Variants in MLH3 observed in about 807,000 individuals in gnomAD.
MLH3 encodes mutL homolog 3, also known as DNA mismatch repair protein Mlh3.
MLH3 carries 82 observed loss-of-function variants against 122.2 expected under a neutral mutation model. That is an observed-to-expected ratio of 0.67 (90% CI 0.56 to 0.81). MLH3 has a LOEUF of 0.81. Among genes scored for constraint, MLH3 ranks in the 30% least tolerant of loss-of-function variants. The probability of loss-of-function intolerance (pLI) is 0.00; values close to 1 mark genes in which losing one functional copy is unlikely to be tolerated. For missense variants in MLH3, 1,539 were observed against 1,714.5 expected (o/e 0.90, Z 1.81); for synonymous variants, 524 against 599.5 (o/e 0.87, Z 1.84).
intron 5 of MLH3, among the ~76,000 whole-genome samples, chr14:75,039,388 A>G (rs1268571461): frequency 1.3e-5 from 2 of 152,180 alleles, no homozygotes; most frequent in Non-Finnish European, 2.9e-5. Flanking sequence ...CAAAGGGAAT[A>G]AGACAGCCAT....
At position 75,030,695 on chromosome 14, in the gene MLH3, G is replaced by A. The variant is rs2139387859; in HGVS notation, c.3835C>T (p.His1279Tyr). 6.2e-7 allele frequency: 1 copy of A among 1,613,296 alleles called. No homozygotes were observed. The highest frequency in any genetic ancestry group is 8.5e-7 in the Non-Finnish European group (1 of 1,179,570). Residue 1279 changes from histidine (H) to tyrosine (Y), a missense_variant, in exon 9 of 13, where the codon CAC becomes TAC. Physicochemically the swap from His to Tyr is moderately conservative, Grantham distance 83. Transcript: ENST00000355774. ...AGGCCCAGATCTTCCAGATTTTTGTGGTAACACCTAAAGAGATAACCTCAA... is the reference window on the plus strand; with the variant it reads ...AGGCCCAGATCTTCCAGATTTTTGTAGTAACACCTAAAGAGATAACCTCAA... ...EEQRRLLWCY[H>Y]KNLEDLGLEF...
At chr14:75,020,262 T>G (rs1411654698) in intron 11 of MLH3, among the ~76,000 whole-genome samples, 2 of 152,208 alleles carry the variant, frequency 1.3e-5, no homozygotes, top group Non-Finnish European at 2.9e-5. Context: ...AAGACCCTTG[T>G]GGGCCACAGT....
intron 2 of MLH3, among the ~76,000 whole-genome samples, chr14:75,044,003 C>T (rs906125312): frequency 6.6e-6 from 1 of 152,016 alleles, no homozygotes; most frequent in Admixed American, 6.6e-5. Context: ...GCAGGAGAAT[C>T]GCTTGAACTC....
chr14:75,033,583 TAAC>T, intron 6 of MLH3, 93 bp from the exon 7 acceptor site: 7 of 897,970 alleles, frequency 7.8e-6, no homozygotes, highest in South Asian at 6.8e-5. Flanking sequence ...TCAAACTATC[TAAC>T]AACAGCATAA....
At chr14:75,028,597 T>C (rs1334133230) in intron 9 of MLH3, among the ~76,000 whole-genome samples, 1 of 151,638 alleles carries the variant, frequency 6.6e-6, no homozygotes, top group Non-Finnish European at 1.5e-5. Flanking sequence ...TTTTAATTTT[T>C]AGTAGAGACG....
Position 75,042,485 on chromosome 14 carries a change from T to A in MLH3, c.3281-8A>T, listed in dbSNP as rs376532114. On this transcript the variant is annotated splice_region_variant and splice_polypyrimidine_tract_variant and intron_variant, in intron 2 of 12. Transcript: ENST00000355774. Reference sequence around the variant, plus strand: ...GACACCTGTACTGAGACCCTAAATATAAGAAAGAAAAACCTAGAAATGTGA... The same window carrying A: ...GACACCTGTACTGAGACCCTAAATAAAAGAAAGAAAAACCTAGAAATGTGA... The A allele has an allele frequency of 6.2e-7, 1 of 1,604,690 alleles. No homozygotes were observed. Among genetic ancestry groups the A allele is most frequent in the Non-Finnish European group, 8.5e-7 (1 of 1,171,458 alleles).
At chr14:75,024,713 A>G (rs560566200) in intron 9 of MLH3, among the ~76,000 whole-genome samples, 1 of 152,354 alleles carries the variant, frequency 6.6e-6, no homozygotes, top group African/African-American at 2.4e-5. Context: ...TTCTTCCAGA[A>G]TCACACAAAG....
At chr14:75,037,819 TAAA>T (rs1186789115) in intron 6 of MLH3, among the ~76,000 whole-genome samples, 1 of 151,126 alleles carries the variant, frequency 6.6e-6, no homozygotes, top group African/African-American at 2.4e-5. Context: ...ACAAAAAGAG[TAAA>T]AGTTGAAATA....
intron 9 of MLH3, among the ~76,000 whole-genome samples, chr14:75,028,633 G>A (rs1890820382): frequency 6.6e-6 from 1 of 151,004 alleles, no homozygotes; most frequent in Non-Finnish European, 1.5e-5. Context: ...GGCCAGGCTG[G>A]TCTTGAACTC....
At chr14:75,018,002 G>C (rs568350964) in intron 12 of MLH3, among the ~76,000 whole-genome samples, 1 of 152,016 alleles carries the variant, frequency 6.6e-6, no homozygotes, top group Non-Finnish European at 1.5e-5. Flanking sequence ...AGAATTAGCC[G>C]GGCGTGGTGG....
intron 9 of MLH3, among the ~76,000 whole-genome samples, chr14:75,028,359 C>T (rs1890794984): frequency 6.6e-6 from 1 of 151,898 alleles, no homozygotes; most frequent in South Asian, 2.1e-4. Context: ...CTTGACAACC[C>T]ATCTAGCCAA....
In MLH3 at chr14:75,032,120, G is replaced by C; in HGVS notation, c.3775C>G (p.Leu1259Val). Residue 1259 changes from leucine to valine, a missense_variant, in exon 8 of 13, where the codon CTA (leucine) becomes GTA (valine). By Grantham distance (32) the Leu-to-Val change is conservative. Transcript: ENST00000355774. Reference protein sequence around the residue: ...SGRKKLLSSTLIPPLEITVTE... With the variant: ...SGRKKLLSSTVIPPLEITVTE... ...ACTGTTATCTCTAGCGGAGGAATTAGAGTAGAAGACAGTAATTTTTTCCGA... is the reference window on the plus strand; with the variant it reads ...ACTGTTATCTCTAGCGGAGGAATTACAGTAGAAGACAGTAATTTTTTCCGA... 6.2e-7 allele frequency: 1 copy of C among 1,614,016 alleles called. No individual in the cohort carries two copies. The highest frequency in any genetic ancestry group is 1.1e-5 in the South Asian group (1 of 91,076).
At position 75,016,724 on chromosome 14, in the gene MLH3, GA is replaced by G; in HGVS notation, c.*357del. On this transcript the variant is annotated 3_prime_UTR_variant, in exon 13 of 13. Coordinates refer to ENST00000355774, the MANE Select transcript of MLH3 (RefSeq NM_001040108.2). ...TTAGATACACGCAAATGTGAAGCTT[GA>G]AAAAAAACTGTACAAAAACAAAAAT... is the stretch of plus-strand genomic sequence containing the variant. The G allele has an allele frequency of 2.9e-6, 1 of 341,470 alleles. No individual in the cohort carries two copies. The highest frequency in any genetic ancestry group is 5.6e-6 in the Non-Finnish European group (1 of 177,266). 21.2% of individuals were successfully genotyped at this position (341,470 alleles called of 1,614,324 possible).
intron 2 of MLH3, 89 bp downstream of exon 2, chr14:75,046,287 A>T: frequency 1.5e-6 from 2 of 1,329,920 alleles, no homozygotes; most frequent in South Asian, 1.2e-5. Context: ...ATCTGTTGAG[A>T]TAATCTCTTT....
intron 8 of MLH3, 139 bp from the exon 9 acceptor site, chr14:75,030,841 T>C (rs1461773848): frequency 5.7e-6 from 4 of 699,768 alleles, no homozygotes; most frequent in Non-Finnish European, 9.8e-6. Flanking sequence ...CTCACACTTA[T>C]GTGTGGGTGT....
At chr14:75,036,944 C>A (rs1314514955) in intron 6 of MLH3, among the ~76,000 whole-genome samples, 1 of 152,144 alleles carries the variant, frequency 6.6e-6, no homozygotes, top group Non-Finnish European at 1.5e-5. Flanking sequence ...GGACTCCACC[C>A]CTACTCCTAC....
rs754716792 is a variant in MLH3, at chr14:75,046,861, TTC to T, written c.2793_2794del (p.Asn932TrpfsTer13). On this transcript the variant is annotated frameshift_variant, in exon 2 of 13. Transcript: ENST00000355774. LOFTEE classifies it high-confidence loss of function. ...AGAATCTGATGTTGGGATGACACCA[TTC>T]TCTGTTTTTTCATGCTTGTTGTTAA... 7.4e-6 allele frequency: 12 copies of T among 1,613,990 alleles called. No homozygotes were observed. Among genetic ancestry groups the T allele is most frequent in the East Asian group, 2.2e-5 (1 of 44,878 alleles).
In MLH3 at chr14:75,015,857, G is replaced by T. The variant is rs1007734781; in HGVS notation, c.*1225C>A. ...AACTTTTCTTCCATGAGCACGAATT[G>T]GTTTCCTGTATTAAAAAATGAGGAA... On this transcript the variant is annotated 3_prime_UTR_variant, in exon 13 of 13. Coordinates refer to ENST00000355774, the MANE Select transcript of MLH3 (RefSeq NM_001040108.2). 4 of 226,628 alleles carry T rather than the reference G, an allele frequency of 1.8e-5. No homozygotes were observed. The highest frequency in any genetic ancestry group is 4.5e-5 in the African/African-American group (2 of 44,912). 14.0% of individuals were successfully genotyped at this position (226,628 alleles called of 1,614,324 possible). A position where few individuals can be genotyped will look rare whatever the true frequency, so the allele number is the denominator to read the frequency against.
intron 9 of MLH3, among the ~76,000 whole-genome samples, chr14:75,027,692 A>AC (rs1393515271): frequency 6.1e-5 from 9 of 148,566 alleles, no homozygotes; most frequent in Non-Finnish European, 1.2e-4. Context: ...AAAAAAAAAA[A>AC]AACCCAAAAG....
Sources: allele counts gnomAD v4.1 joint callset (sites outside exome capture counted in the v4.1 genomes callset), GRCh38; gene constraint gnomAD v4.1.1; transcripts MANE v1.5; gene names NCBI Gene and HGNC (gene_info 2026-07-23, HGNC 2026-07-21).